The following FER1L6 variants were observed in gnomAD, a reference collection of about 807,000 sequenced individuals.
FER1L6 encodes fer-1 like family member 6, also known as fer-1-like protein 6.
A neutral mutation model predicts 219.2 loss-of-function variants in FER1L6; 177 were observed. The ratio of observed to expected loss-of-function variants is 0.81; its 90% CI spans 0.71 to 0.91. FER1L6 has a LOEUF of 0.91. Among genes scored for constraint, FER1L6 ranks in the 40% least tolerant of loss-of-function variants. FER1L6 has a pLI of 0.00. For missense variants in FER1L6, 2,153 were observed against 2,259.9 expected (o/e 0.95, Z 0.96); for synonymous variants, 768 against 824.3 (o/e 0.93, Z 1.17).
intron 1 of FER1L6, among the ~76,000 whole-genome samples, chr8:123,918,304 G>A: frequency 8.0e-6 from 1 of 125,482 alleles, no homozygotes; most frequent in Admixed American, 8.5e-5. Context: ...GAGACAACCT[G>A]TCTCAAAAAA....
chr8:123,852,175 C>A lies in FER1L6; in HGVS notation c.-18C>A, dbSNP rs1044019061. ...CTGTGTGGACCATCGTGAAGGTGGA[C>A]AAGGCATTTTGTAAGTCCATAGATA... is the stretch of plus-strand genomic sequence containing the variant. On this transcript the variant is annotated 5_prime_UTR_variant, in exon 1 of 41. Transcript: ENST00000522917. The surrounding 1 kb of genome is among the most constrained non-coding windows in gnomAD (Gnocchi z 4.9). 6.6e-6 allele frequency: 1 copy of A among 152,222 alleles called. No individual in the cohort carries two copies. Among genetic ancestry groups the A allele is most frequent in the African/African-American group, 2.4e-5 (1 of 41,444 alleles). 9.4% of individuals were successfully genotyped at this position (152,222 alleles called of 1,614,324 possible).
At chr8:124,110,997 A>G (rs1447290553) in intron 39 of FER1L6, among the ~76,000 whole-genome samples, 2 of 152,146 alleles carry the variant, frequency 1.3e-5, no homozygotes, top group Non-Finnish European at 2.9e-5. Flanking sequence ...CTACCCTCCC[A>G]CAGAAACTGG....
intron 17 of FER1L6, 129 bp from the exon 18 acceptor site, chr8:124,023,315 G>C: frequency 1.1e-6 from 1 of 877,102 alleles, no homozygotes; most frequent in Non-Finnish European, 1.8e-6. Context: ...CCTAGATGGT[G>C]TCAGTCACAG....
At chr8:123,871,020 G>A (rs1816914882) in intron 1 of FER1L6, among the ~76,000 whole-genome samples, 1 of 152,148 alleles carries the variant, frequency 6.6e-6, no homozygotes, top group Non-Finnish European at 1.5e-5. Flanking sequence ...TATGTATACA[G>A]GAATTGAATA....
chr8:123,852,777 A>G lies in FER1L6; in HGVS notation c.-8+592A>G, dbSNP rs1816537415. On this transcript the variant is annotated intron_variant, in intron 1 of 40. Transcript: ENST00000522917. The surrounding 1 kb of genome is among the most constrained non-coding windows in gnomAD (Gnocchi z 4.9). ...CATTTATGAAAATGAAGAAACTGAA[A>G]ATGCAGCATTACTATTAACTAAGCT... Among the ~76,000 whole-genome samples the G allele has an allele frequency of 6.6e-6, 1 of 152,164 alleles. No homozygotes were observed. Among genetic ancestry groups the G allele is most frequent in the African/African-American group, 2.4e-5 (1 of 41,444 alleles).
chr8:124,017,971 T>C (rs1319249899), intron 16 of FER1L6, among the ~76,000 whole-genome samples: 1 of 152,244 alleles, frequency 6.6e-6, no homozygotes, highest in Non-Finnish European at 1.5e-5. Context: ...TTGCTCATTT[T>C]CTTGACCTTC....
chr8:124,070,370 T>C (rs1821016762), intron 29 of FER1L6, 97 bp from the exon 30 acceptor site: 2 of 1,367,478 alleles, frequency 1.5e-6, no homozygotes, highest in Non-Finnish European at 2.0e-6. Context: ...CCAAGGGGCA[T>C]ATATCAAGGC....
chr8:124,053,349 C>G (rs1820136843), intron 22 of FER1L6, among the ~76,000 whole-genome samples: 1 of 152,162 alleles, frequency 6.6e-6, no homozygotes, highest in Admixed American at 6.6e-5. Flanking sequence ...TTCCTGACAG[C>G]CGACTTAATA....
chr8:123,867,341 T>C (rs1816853355), intron 1 of FER1L6, among the ~76,000 whole-genome samples: 1 of 152,220 alleles, frequency 6.6e-6, no homozygotes, highest in African/African-American at 2.4e-5. Context: ...TAGCTCAACC[T>C]GTTGATTTTG....
chr8:123,950,921 C>A (rs1814733295), intron 1 of FER1L6, among the ~76,000 whole-genome samples: 1 of 152,142 alleles, frequency 6.6e-6, no homozygotes, highest in Non-Finnish European at 1.5e-5. Context: ...CAAGGCTGAG[C>A]TAATCCTGTG....
rs1265043464 is a variant in FER1L6 at position 124,069,382 on chromosome 8, G to A, written c.3741G>A (p.Val1247=). Reference sequence around the variant, plus strand: ...CAGAGGCAAAGCCAGATGAGGTAGTGGTAGATATAGAAGATGGGCCAAAGA... The same window carrying A: ...CAGAGGCAAAGCCAGATGAGGTAGTAGTAGATATAGAAGATGGGCCAAAGA... ...GNTEAKPDEV[V]VDIEDGPKKK... is the part of the protein sequence containing the mutation. The change falls in exon 29 of 41, where the codon GTG becomes GTA. Residue 1247 remains valine, a synonymous_variant. Transcript: ENST00000522917. The A allele has an allele frequency of 9.9e-6, 16 of 1,612,432 alleles. No homozygotes were observed. The highest frequency in any genetic ancestry group is 2.7e-5 in the African/African-American group (2 of 74,802).
At chr8:123,927,677 G>A (rs1813620285) in intron 1 of FER1L6, among the ~76,000 whole-genome samples, 1 of 152,078 alleles carries the variant, frequency 6.6e-6, no homozygotes, top group Non-Finnish European at 1.5e-5. Context: ...TAGCTGGGTG[G>A]GCAGGCTGGT....
intron 1 of FER1L6, among the ~76,000 whole-genome samples, chr8:123,876,381 T>G (rs144235865): frequency 7.9e-4 from 121 of 152,212 alleles, no homozygotes; most frequent in African/African-American, 2.7e-3. Flanking sequence ...TGCAGTGGCA[T>G]GATCACAGCT....
intron 2 of FER1L6, among the ~76,000 whole-genome samples, chr8:123,958,967 C>CA (rs1440737178): frequency 6.6e-6 from 1 of 151,892 alleles, no homozygotes; most frequent in East Asian, 2.0e-4. Context: ...GAGGGCCACG[C>CA]AGGCAGTAAG....
intron 1 of FER1L6, among the ~76,000 whole-genome samples, chr8:123,939,809 G>A (rs940834100): frequency 2.0e-5 from 3 of 152,154 alleles, no homozygotes; most frequent in South Asian, 4.1e-4. Context: ...GACCACCCCT[G>A]TTTCCAGTTG....
At chr8:124,067,243 T>C (rs1820866730) in intron 27 of FER1L6, among the ~76,000 whole-genome samples, 2 of 152,244 alleles carry the variant, frequency 1.3e-5, no homozygotes, top group Admixed American at 1.3e-4. Context: ...TCTAGGACTA[T>C]TTCTCAAATA....
intron 1 of FER1L6, among the ~76,000 whole-genome samples, chr8:123,866,415 A>G (rs753888739): frequency 1.3e-5 from 2 of 152,074 alleles, no homozygotes; most frequent in Non-Finnish European, 1.5e-5. Context: ...GGTTGCTTTC[A>G]TAACTTAGCT....
At position 123,852,746 on chromosome 8, in the gene FER1L6, A is replaced by G. The variant is rs1158777826; in HGVS notation, c.-8+561A>G. ...CCTAATGGTAACATCTTATATTACC[A>G]TGGTACATTTATGAAAATGAAGAAA... On this transcript the variant is annotated intron_variant, in intron 1 of 40. Transcript: ENST00000522917. This position sits in a 1 kb window ranked among gnomAD's most constrained non-coding sequence, Gnocchi z 4.9. Among the ~76,000 whole-genome samples the G allele has an allele frequency of 6.6e-6, 1 of 152,148 alleles. No homozygotes were observed. The highest frequency in any genetic ancestry group is 1.5e-5 in the Non-Finnish European group (1 of 68,032).
At chr8:124,088,268 C>T (rs1007101480) in intron 33 of FER1L6, among the ~76,000 whole-genome samples, 2 of 152,108 alleles carry the variant, frequency 1.3e-5, no homozygotes. Context: ...AGTCCTTCCC[C>T]TTTCCTCAAG....
Sources: allele counts gnomAD v4.1 joint callset (sites outside exome capture counted in the v4.1 genomes callset), GRCh38; gene constraint gnomAD v4.1.1; non-coding constraint Gnocchi (gnomAD v3.1); transcripts MANE v1.5; gene names NCBI Gene and HGNC (gene_info 2026-07-23, HGNC 2026-07-21).